ECT2L: variants seen among roughly 807,000 people sequenced by gnomAD.
ECT2L encodes epithelial cell-transforming sequence 2 oncogene-like.
A neutral mutation model predicts 122.8 loss-of-function variants in ECT2L; 126 were observed. That is an observed-to-expected ratio of 1.03 (90% CI 0.89 to 1.19). The LOEUF is 1.19. ECT2L is among the 50% of genes most tolerant of loss of function. The pLI is 0.00. For missense variants in ECT2L, 1,012 were observed against 1,064.1 expected, an observed-to-expected ratio of 0.95 and a Z score of 0.68; for synonymous variants, 385 against 381.8, an observed-to-expected ratio of 1.01 and a Z score of -0.10.
intron 9 of ECT2L, among the ~76,000 whole-genome samples, chr6:138,853,449 G>A (rs1364601171): frequency 2.6e-5 from 4 of 152,102 alleles, no homozygotes; most frequent in African/African-American, 9.7e-5. Flanking sequence ...ACCTCCCAGT[G>A]GGAGGGAGTG....
intron 5 of ECT2L, among the ~76,000 whole-genome samples, chr6:138,841,535 C>T (rs1463883098): frequency 1.3e-5 from 2 of 152,156 alleles, no homozygotes; most frequent in African/African-American, 4.8e-5. Context: ...GATTACCAAG[C>T]CTCTCCCGTC....
At chr6:138,840,748 T>C (rs1777010954) in intron 5 of ECT2L, among the ~76,000 whole-genome samples, 1 of 152,070 alleles carries the variant, frequency 6.6e-6, no homozygotes, top group South Asian at 2.1e-4. Context: ...TACCTAGGTG[T>C]GTGTTTGTAT....
At chr6:138,836,097 G>T (rs536081655) in intron 4 of ECT2L, among the ~76,000 whole-genome samples, 1 of 152,116 alleles carries the variant, frequency 6.6e-6, no homozygotes, top group African/African-American at 2.4e-5. Flanking sequence ...GGGGGGCATA[G>T]CATATCAATT....
At chr6:138,828,174 G>GA (rs1463607314) in intron 4 of ECT2L, among the ~76,000 whole-genome samples, 1 of 151,976 alleles carries the variant, frequency 6.6e-6, no homozygotes, top group African/African-American at 2.4e-5. Context: ...TTATCAGCCT[G>GA]AAAAAATTAA....
intron 9 of ECT2L, among the ~76,000 whole-genome samples, chr6:138,853,026 G>A (rs547090101): frequency 8.5e-5 from 13 of 152,178 alleles, no homozygotes; most frequent in Admixed American, 5.2e-4. Context: ...GGAGTACAGC[G>A]GCACGATCTT....
In ECT2L at chr6:138,880,980, A is replaced by G; in HGVS notation, c.1689A>G (p.Ser563=). 6.2e-7 allele frequency: 1 copy of G among 1,614,062 alleles called. No individual in the cohort carries two copies. Among genetic ancestry groups the G allele is most frequent in the Non-Finnish European group, 8.5e-7 (1 of 1,179,934 alleles). ...AGGAGAGAATACTCCAGAAGGACTC[A>G]GCAGAAAAGCGAGCTAGAGTTGTCA... The part of the protein sequence containing the change: ...INLERILQKD[S]AEKRARVVRE... The change falls in exon 15 of 22, where the codon TCA becomes TCG. Residue 563 remains serine (S), a synonymous_variant. Coordinates refer to ENST00000541398, the MANE Select transcript of ECT2L (RefSeq NM_001077706.3).
chr6:138,819,317 A>G (rs944400217), intron 4 of ECT2L, among the ~76,000 whole-genome samples: 1 of 150,914 alleles, frequency 6.6e-6, no homozygotes, highest in Admixed American at 6.6e-5. Context: ...TTTTGTGTGG[A>G]TGGAGGGAAG....
At chr6:138,869,096 G>A (rs1017995250) in intron 13 of ECT2L, among the ~76,000 whole-genome samples, 1 of 152,208 alleles carries the variant, frequency 6.6e-6, no homozygotes, top group African/African-American at 2.4e-5. Flanking sequence ...GAACCCAGGA[G>A]GTGAAGGTTG....
chr6:138,805,077 C>A (rs1309018584), intron 1 of ECT2L, among the ~76,000 whole-genome samples: 1 of 152,158 alleles, frequency 6.6e-6, no homozygotes, highest in Non-Finnish European at 1.5e-5. Flanking sequence ...GAACCCGTGC[C>A]ACATGTATTA....
intron 10 of ECT2L, among the ~76,000 whole-genome samples, chr6:138,859,794 CT>C (rs1195560900): frequency 6.7e-6 from 1 of 149,768 alleles, no homozygotes; most frequent in East Asian, 1.9e-4. Context: ...TGAACAGTTT[CT>C]TTTGAAGCAC....
intron 11 of ECT2L, among the ~76,000 whole-genome samples, chr6:138,863,025 ACTTTT>A: frequency 6.6e-6 from 1 of 152,162 alleles, no homozygotes; most frequent in Non-Finnish European, 1.5e-5. Flanking sequence ...ACAAAGAAAA[ACTTTT>A]CTTAGTAACA....
intron 12 of ECT2L, 75 bp from the exon 13 acceptor site, chr6:138,868,023 ACTGTG>A: frequency 9.6e-6 from 9 of 941,656 alleles, no homozygotes; most frequent in Non-Finnish European, 1.4e-5. Context: ...AAAAAAAGAA[ACTGTG>A]AGGACTGAGT....
intron 4 of ECT2L, among the ~76,000 whole-genome samples, chr6:138,816,393 T>TTTTG (rs201530640): frequency 6.6e-6 from 1 of 152,204 alleles, no homozygotes; most frequent in African/African-American, 2.4e-5. Flanking sequence ...TACTTTTTTT[T>TTTTG]TTTGTTTGTT....
intron 14 of ECT2L, among the ~76,000 whole-genome samples, chr6:138,877,281 G>T (rs1358897519): frequency 1.2e-4 from 18 of 152,166 alleles, no homozygotes; most frequent in Admixed American, 1.1e-3. Flanking sequence ...GCTGCAGACA[G>T]TGCAGGCCGT....
intron 4 of ECT2L, among the ~76,000 whole-genome samples, chr6:138,818,305 T>C (rs1776137643): frequency 6.6e-6 from 1 of 151,914 alleles, no homozygotes; most frequent in African/African-American, 2.4e-5. Flanking sequence ...CAGAAAAATA[T>C]CCACCAAGGT....
chr6:138,844,879 C>T lies in ECT2L; in HGVS notation c.764+299C>T, dbSNP rs539979718. Among the ~76,000 whole-genome samples, 18 of 151,702 alleles carry T rather than the reference C, an allele frequency of 1.2e-4. No homozygotes were observed. In the Middle Eastern group the frequency reaches 0.01, roughly 86 times the overall value. ...TTGTGGGCTCAAGCGATCCTCCCGC[C>T]ATCCTCCCAAATAGCTGCGATTACA... On this transcript the variant is annotated intron_variant, in intron 7 of 21. Coordinates refer to ENST00000541398, the MANE Select transcript of ECT2L (RefSeq NM_001077706.3).
At chr6:138,831,503 G>C (rs1776647066) in intron 4 of ECT2L, among the ~76,000 whole-genome samples, 1 of 152,094 alleles carries the variant, frequency 6.6e-6, no homozygotes, top group South Asian at 2.1e-4. Context: ...CTTTGCCCTT[G>C]ACATTGCCAT....
In ECT2L at chr6:138,894,909, T is replaced by A. The variant is rs144615440; in HGVS notation, c.2414+5878T>A. Among the ~76,000 whole-genome samples, 714 of 152,284 alleles carry A rather than the reference T, an allele frequency of 4.7e-3. 7 individuals are homozygous for A. The highest frequency in any genetic ancestry group is 0.016 in the African/African-American group (677 of 41,546). Reference sequence around the variant, plus strand: ...TCTTCCTTTTAGGTCAACGACACTGTCTCAGTGATTACATTTATATTATTT... The same window carrying A: ...TCTTCCTTTTAGGTCAACGACACTGACTCAGTGATTACATTTATATTATTT... On this transcript the variant is annotated intron_variant, in intron 20 of 21. Coordinates refer to ENST00000541398, the MANE Select transcript of ECT2L (RefSeq NM_001077706.3).
At chr6:138,893,948 G>C (rs1454834503) in intron 20 of ECT2L, among the ~76,000 whole-genome samples, 3 of 152,112 alleles carry the variant, frequency 2.0e-5, no homozygotes, top group African/African-American at 7.2e-5. Flanking sequence ...CAGCTTTTGG[G>C]GTGATAACTT....
Sources: allele counts gnomAD v4.1 joint callset (sites outside exome capture counted in the v4.1 genomes callset), GRCh38; gene constraint gnomAD v4.1.1; transcripts MANE v1.5; gene names NCBI Gene and HGNC (gene_info 2026-07-23, HGNC 2026-07-21).